The following MEX3C variants were observed in gnomAD, a reference collection of about 807,000 sequenced individuals.
MEX3C encodes mex-3 RNA binding family member C.
Under a neutral mutation model 35.5 loss-of-function variants are expected in MEX3C, and 15 were observed. The observed-to-expected ratio is 0.42, with a 90% CI of 0.28 to 0.65. The LOEUF (loss-of-function observed/expected upper bound fraction) is 0.65. Ranked by LOEUF, MEX3C falls within the 30% of genes least tolerant of loss-of-function variation. MEX3C has a pLI of 0.20. For missense variants in MEX3C, 711 were observed against 842.8 expected, an observed-to-expected ratio of 0.84 and a Z score of 1.94; for synonymous variants, 390 against 352.8, an observed-to-expected ratio of 1.11 and a Z score of -1.18.
intron 1 of MEX3C, among the ~76,000 whole-genome samples, chr18:51,192,592 A>G (rs1912675207): frequency 6.6e-6 from 1 of 152,176 alleles, no homozygotes; most frequent in Non-Finnish European, 1.5e-5. Flanking sequence ...ATTTTAAATT[A>G]TGCATATTAG....
chr18:51,197,190 T>C lies in MEX3C; in HGVS notation c.131A>G (p.Asp44Gly). The change falls in exon 1 of 2, where the codon GAC (aspartate) becomes GGC (glycine). Residue 44 changes from aspartate to glycine, a missense_variant. Transcript: ENST00000406189. The part of the protein sequence containing the change: ...PPSGGPELEG[D>G]GLLLRERLAA... ...CAAGCGCTCCCTCAGCAGGAGCCCG[T>C]CCCCCTCGAGCTCCGGGCCGCCCGA... is the stretch of plus-strand genomic sequence containing the variant. 1 of 1,025,816 alleles carries C rather than the reference T, an allele frequency of 9.7e-7. No homozygotes were observed. Among genetic ancestry groups the C allele is most frequent in the Non-Finnish European group, 1.2e-6 (1 of 859,638 alleles). The allele number at this position is 1,025,816 out of a possible 1,614,324, so 63.5% of individuals were successfully genotyped here. A position where few individuals can be genotyped will look rare whatever the true frequency, so the allele number is the denominator to read the frequency against.
chr18:51,196,067 T>G, intron 1 of MEX3C: 1 of 155,962 alleles, frequency 6.4e-6, no homozygotes, highest in South Asian at 1.9e-4. Flanking sequence ...TACCGACCAT[T>G]TGAACACCCC....
intron 1 of MEX3C, chr18:51,193,274 G>A (rs1234040582): frequency 1.3e-5 from 2 of 152,074 alleles, no homozygotes; most frequent in African/African-American, 4.8e-5. Context: ...AACACACATA[G>A]ACCATTAATT....
At chr18:51,192,944 T>C (rs1406813954) in intron 1 of MEX3C, 1 of 152,168 alleles carries the variant, frequency 6.6e-6, no homozygotes. Context: ...TCATGAAATA[T>C]GTACTTCTCC....
chr18:51,188,783 T>C (rs1912593490), intron 1 of MEX3C, among the ~76,000 whole-genome samples: 1 of 152,222 alleles, frequency 6.6e-6, no homozygotes, highest in Non-Finnish European at 1.5e-5. Flanking sequence ...CCAATATTAA[T>C]AATGCAAAGA....
intron 1 of MEX3C, among the ~76,000 whole-genome samples, chr18:51,192,029 T>C (rs1020772447): frequency 1.6e-4 from 24 of 152,266 alleles, no homozygotes; most frequent in African/African-American, 4.8e-4. Flanking sequence ...ATATTAAGCA[T>C]TCCCTTATAA....
In MEX3C at chr18:51,197,656, G is replaced by C. The variant is rs1912860013; in HGVS notation, c.-336C>G. 6.6e-6 allele frequency among the ~76,000 whole-genome samples: 1 copy of C among 150,394 alleles called. No individual in the cohort carries two copies. Among genetic ancestry groups the C allele is most frequent in the Non-Finnish European group, 1.5e-5 (1 of 67,514 alleles). On this transcript the variant is annotated 5_prime_UTR_variant, in exon 1 of 2. Coordinates refer to ENST00000406189, the MANE Select transcript of MEX3C (RefSeq NM_016626.5). ...GCCCCCGGCGCGCGCGGCGGCGGCG[G>C]CTACGCCCCACGCCGCTCTCCGAAT...
At chr18:51,191,376 A>G (rs372141184) in intron 1 of MEX3C, among the ~76,000 whole-genome samples, 1 of 152,148 alleles carries the variant, frequency 6.6e-6, no homozygotes, top group African/African-American at 2.4e-5. Context: ...GATCAGTAAC[A>G]CTGGAGATGG....
intron 1 of MEX3C, among the ~76,000 whole-genome samples, chr18:51,181,246 A>C (rs1302318077): frequency 6.6e-6 from 1 of 152,152 alleles, no homozygotes; most frequent in Non-Finnish European, 1.5e-5. Context: ...AAGTAAAAAA[A>C]CCTAAAATAT....
intron 1 of MEX3C, among the ~76,000 whole-genome samples, chr18:51,190,862 C>T (rs1912635888): frequency 6.6e-6 from 1 of 152,086 alleles, no homozygotes; most frequent in Non-Finnish European, 1.5e-5. Flanking sequence ...CTAATGGTAG[C>T]ATGGGGAAAA....
In MEX3C at chr18:51,175,045, TA is replaced by T; in HGVS notation, c.*1305del. On this transcript the variant is annotated 3_prime_UTR_variant, in exon 2 of 2. Transcript: ENST00000406189. ...TTTTTTTATACTGAAAAAATCAAAA[TA>T]AAAACCGTTATTTGTAAACTTTTAT... 1 of 152,576 alleles carries T rather than the reference TA, an allele frequency of 6.6e-6. No homozygotes were observed. Among genetic ancestry groups the T allele is most frequent in the East Asian group, 1.9e-4 (1 of 5,202 alleles). The allele number at this position is 152,576 out of a possible 1,614,324, so 9.5% of individuals were successfully genotyped here. A position where few individuals can be genotyped will look rare whatever the true frequency, so the allele number is the denominator to read the frequency against.
intron 1 of MEX3C, among the ~76,000 whole-genome samples, chr18:51,180,089 TAAATAAAAGAAAAAAAAGGAAAACAG>T (rs1163015847): frequency 3.4e-5 from 5 of 147,966 alleles, no homozygotes; most frequent in African/African-American, 5.0e-5. Context: ...AAACTGAAAA[TAAATAAAAGAAAAAAAAGGAAAACAG>T]AAATAAAAGA....
chr18:51,183,892 G>GATAT (rs1257970088), intron 1 of MEX3C, among the ~76,000 whole-genome samples: 1 of 152,132 alleles, frequency 6.6e-6, no homozygotes, highest in Non-Finnish European at 1.5e-5. Context: ...CTAGCTATAT[G>GATAT]GGAGGCTAAT....
chr18:51,185,891 C>CCG (rs1912527349), intron 1 of MEX3C, among the ~76,000 whole-genome samples: 1 of 151,714 alleles, frequency 6.6e-6, no homozygotes, highest in Non-Finnish European at 1.5e-5. Context: ...GAGACCCCCC[C>CCG]CTCTCTATAA....
chr18:51,185,531 T>C (rs1372388626), intron 1 of MEX3C, among the ~76,000 whole-genome samples: 1 of 152,186 alleles, frequency 6.6e-6, no homozygotes, highest in Non-Finnish European at 1.5e-5. Flanking sequence ...AGGTGACATA[T>C]TCAGAGTTCC....
At chr18:51,184,424 AAAC>A (rs1912491771) in intron 1 of MEX3C, among the ~76,000 whole-genome samples, 1 of 152,210 alleles carries the variant, frequency 6.6e-6, no homozygotes. Context: ...AAAGTAATAA[AAAC>A]TACTAGAGAT....
At position 51,197,634 on chromosome 18, in the gene MEX3C, C is replaced by G. The variant is rs1372379135; in HGVS notation, c.-314G>C. ...TTTTGTTTCATGGCCTTAACCAGCC[C>G]CCGGCGCGCGCGGCGGCGGCGGCTA... is the stretch of plus-strand genomic sequence containing the variant. On this transcript the variant is annotated 5_prime_UTR_variant, in exon 1 of 2. Transcript: ENST00000406189. Among the ~76,000 whole-genome samples the G allele has an allele frequency of 6.6e-6, 1 of 150,850 alleles. No homozygotes were observed. The highest frequency in any genetic ancestry group is 1.5e-5 in the Non-Finnish European group (1 of 67,610).
chr18:51,185,324 C>G (rs1489741118), intron 1 of MEX3C, among the ~76,000 whole-genome samples: 13 of 152,152 alleles, frequency 8.5e-5, no homozygotes, highest in Admixed American at 6.5e-4. Context: ...TCAGAGCGAG[C>G]AATGGAGGCT....
intron 1 of MEX3C, among the ~76,000 whole-genome samples, chr18:51,186,004 T>G (rs567457117): frequency 2.6e-4 from 40 of 152,350 alleles, no homozygotes; most frequent in African/African-American, 9.4e-4. Context: ...GTTGGGAGAT[T>G]AGTGGTTTGG....
Sources: allele counts gnomAD v4.1 joint callset (sites outside exome capture counted in the v4.1 genomes callset), GRCh38; gene constraint gnomAD v4.1.1; transcripts MANE v1.5; gene names NCBI Gene and HGNC (gene_info 2026-07-23, HGNC 2026-07-21).